The following VWCE variants were observed in gnomAD, a reference collection of about 807,000 sequenced individuals.
The protein encoded by VWCE is von Willebrand factor C and EGF domains, also known as von Willebrand factor C and EGF domain-containing protein.
In VWCE, 68 loss-of-function variants were observed where a neutral mutation model predicts 102.9. The observed-to-expected ratio is 0.66, with a 90% confidence interval of 0.54 to 0.81. The LOEUF (loss-of-function observed/expected upper bound fraction) is 0.81, where lower values mean the gene tolerates loss of function less well. Among genes scored for constraint, VWCE ranks in the 30% least tolerant of loss-of-function variants. The pLI, the probability that VWCE is intolerant of heterozygous loss-of-function variation, is 0.00. For synonymous variants in VWCE, 497 were observed against 515.4 expected (o/e 0.96, Z 0.48); for missense variants, 1,137 against 1,263.6 (o/e 0.90, Z 1.52).
intron 14 of VWCE, chr11:61,271,264 G>A (rs1280533433): frequency 1.6e-5 from 3 of 185,916 alleles, no homozygotes; most frequent in African/African-American, 7.0e-5. Context: ...TCCTGCCTCA[G>A]CCTCCCAAGT....
intron 5 of VWCE, among the ~76,000 whole-genome samples, 185 bp from the exon 6 acceptor site, chr11:61,283,090 T>C (rs1855195036): frequency 6.6e-6 from 1 of 152,154 alleles, no homozygotes. Flanking sequence ...CCCACGTCTC[T>C]CATCCTCACT....
At chr11:61,274,443 T>C (rs1854840437) in intron 12 of VWCE, 56 bp downstream of exon 12, 4 of 1,539,584 alleles carry the variant, frequency 2.6e-6, no homozygotes, top group Non-Finnish European at 3.6e-6. Flanking sequence ...TAAAGTGTTG[T>C]GCCTCGCTCC....
At chr11:61,279,380 G>A (rs961383134) in intron 9 of VWCE, among the ~76,000 whole-genome samples, 1 of 152,046 alleles carries the variant, frequency 6.6e-6, no homozygotes, top group African/African-American at 2.4e-5. Context: ...GACCAGCCTG[G>A]CCAACATGGC....
At position 61,271,721 on chromosome 11, in the gene VWCE, C is replaced by T. The variant is rs879016563; in HGVS notation, c.1739G>A (p.Gly580Glu). Reference sequence around the variant, plus strand: ...GGGGTCACCAGGCGACCAGATCTGTCCAATCGGAAACTCAACCCCGTTGTC... The same window carrying T: ...GGGGTCACCAGGCGACCAGATCTGTTCAATCGGAAACTCAACCCCGTTGTC... ...LDDNGVEFPI[G>E]QIWSPGDPCE... The change falls in exon 14 of 20, where the codon GGA becomes GAA. Residue 580 changes from glycine to glutamate, a missense_variant. Around this residue, in one of 5 missense-constraint regions of VWCE, gnomAD observed 212 missense variants for 235.1 expected, o/e 0.90. Transcript: ENST00000335613. The T allele has an allele frequency of 1.2e-6, 2 of 1,613,680 alleles. No homozygotes were observed. Among genetic ancestry groups the T allele is most frequent in the Non-Finnish European group, 8.5e-7 (1 of 1,179,832 alleles).
At chr11:61,277,429 C>T (rs1244235491) in intron 10 of VWCE, among the ~76,000 whole-genome samples, 4 of 140,580 alleles carry the variant, frequency 2.8e-5, no homozygotes, top group Middle Eastern at 3.6e-3. Flanking sequence ...GCCAACACAG[C>T]GAGACCCTGC....
At chr11:61,271,527 C>A (rs1820476270) in intron 14 of VWCE, 148 bp downstream of exon 14, 3 of 700,710 alleles carry the variant, frequency 4.3e-6, no homozygotes, top group Non-Finnish European at 7.4e-6. Context: ...TCGGTCCAAC[C>A]CTTTTTGTGA....
intron 18 of VWCE, among the ~76,000 whole-genome samples, 156 bp downstream of exon 18, chr11:61,264,800 G>A (rs1314237686): frequency 6.6e-6 from 1 of 152,248 alleles, no homozygotes; most frequent in African/African-American, 2.4e-5. Flanking sequence ...GGGAGGAGAT[G>A]GTCAAAACCA....
At position 61,294,508 on chromosome 11, in the gene VWCE, T is replaced by C. The variant is rs541976154; in HGVS notation, c.110+420A>G. Among the ~76,000 whole-genome samples, 29 of 152,234 alleles carry C rather than the reference T, an allele frequency of 1.9e-4. No homozygotes were observed. The highest frequency in any genetic ancestry group is 7.0e-4 in the African/African-American group (29 of 41,560). On this transcript the variant is annotated intron_variant, in intron 1 of 19. Transcript: ENST00000335613. The surrounding 1 kb of genome is among the most constrained non-coding windows in gnomAD (Gnocchi z 6.3). ...GCTGTTCCAAGGTCCATGAAGTTCG[T>C]AGGGCCAAGACCCAGGGAAAGCCCC...
At chr11:61,274,387 T>C (rs776931864) in intron 12 of VWCE, 112 bp downstream of exon 12, 20 of 1,008,274 alleles carry the variant, frequency 2.0e-5, no homozygotes, top group Non-Finnish European at 2.7e-5. Context: ...TCAGTTTCCC[T>C]GTTGCTGTAT....
chr11:61,272,605 T>C (rs61720611), intron 13 of VWCE, among the ~76,000 whole-genome samples: 25,652 of 151,156 alleles, frequency 0.17, 6,508 homozygotes, highest in African/African-American at 0.55. Context: ...CACAGGCACA[T>C]ACTAAGACAT....
chr11:61,276,263 C>A lies in VWCE; in HGVS notation c.1495+330G>T, dbSNP rs190296299. ...TCTCTACTAAAAATACAAAAATTAG[C>A]CCAGTGTGGCAGCAGGCGCCTGTAA... On this transcript the variant is annotated intron_variant, in intron 11 of 19. Transcript: ENST00000335613. Among the ~76,000 whole-genome samples, 7 of 151,932 alleles carry A rather than the reference C, an allele frequency of 4.6e-5. No homozygotes were observed. In the East Asian group the frequency reaches 1.4e-3, roughly 30 times the overall value.
chr11:61,267,172 C>A (rs963516778), intron 16 of VWCE, among the ~76,000 whole-genome samples: 11 of 152,124 alleles, frequency 7.2e-5, no homozygotes, highest in Non-Finnish European at 1.3e-4. Flanking sequence ...ACAGGAGAAT[C>A]GCTTGAACTC....
Position 61,258,881 on chromosome 11 carries a change from G to C in VWCE, c.2662C>G (p.Pro888Ala), listed in dbSNP as rs142622305. Residue 888 changes from proline to alanine, a missense_variant, in exon 20 of 20, where the codon CCT (proline) becomes GCT (alanine). Transcript: ENST00000335613. Reference sequence around the variant, plus strand: ...GTCAGGAGGGTGCCAGGCAGAGGAGGCCACCTGGACACTATCTGGGCCCCA... The same window carrying C: ...GTCAGGAGGGTGCCAGGCAGAGGAGCCCACCTGGACACTATCTGGGCCCCA... ...ASGAQIVSRWPPLPGTLLTEA... is the reference protein window; with the variant it reads ...ASGAQIVSRWAPLPGTLLTEA... 1.3e-6 allele frequency: 2 copies of C among 1,520,080 alleles called. No homozygotes were observed. Among genetic ancestry groups the C allele is most frequent in the Non-Finnish European group, 1.8e-6 (2 of 1,136,220 alleles). 94.2% of individuals were successfully genotyped at this position (1,520,080 alleles called of 1,614,324 possible).
At chr11:61,290,013 A>G (rs1855449109) in intron 4 of VWCE, among the ~76,000 whole-genome samples, 1 of 152,220 alleles carries the variant, frequency 6.6e-6, no homozygotes, top group Admixed American at 6.5e-5. Flanking sequence ...ACAAGCAAAT[A>G]ATACATTCAC....
rs183694250 is a variant in VWCE at position 61,277,279 on chromosome 11, C to T, written c.1408-599G>A. On this transcript the variant is annotated intron_variant, in intron 10 of 19. Transcript: ENST00000335613. The stretch of plus-strand genomic sequence containing the variant: ...TCTGCATGCCCCTGATTTCACACTG[C>T]AGCATCCACCTTTGATGCCAGAGCA... 2.3e-4 allele frequency among the ~76,000 whole-genome samples: 35 copies of T among 152,020 alleles called. No individual in the cohort carries two copies. The East Asian group carries it at 5.6e-3, about 24-fold the overall frequency.
rs1855619088 is a variant in VWCE, at chr11:61,294,717, C to A, written c.110+211G>T. On this transcript the variant is annotated intron_variant, in intron 1 of 19. Coordinates refer to ENST00000335613, the MANE Select transcript of VWCE (RefSeq NM_152718.2). This position sits in a 1 kb window ranked among gnomAD's most constrained non-coding sequence, Gnocchi z 6.3. ...TCTCCCAGGTCCCAGTCTGGACAGC[C>A]CCAGCCAGGGGGGCACGATGAGCAC... Among the ~76,000 whole-genome samples the A allele has an allele frequency of 6.6e-6, 1 of 152,172 alleles. No homozygotes were observed. Among genetic ancestry groups the A allele is most frequent in the South Asian group, 2.1e-4 (1 of 4,834 alleles).
chr11:61,291,326 C>T lies in VWCE; in HGVS notation c.233G>A (p.Gly78Asp), dbSNP rs376254690. 4.3e-6 allele frequency: 7 copies of T among 1,612,588 alleles called. No homozygotes were observed. The highest frequency in any genetic ancestry group is 5.9e-6 in the Non-Finnish European group (7 of 1,179,258). ...LPLCSFGCGS[G>D]ICIAPNVCSC... ...GCAGACATTGGGAGCGATGCAGATG[C>T]CACTCCCACAGCCGAAGGAGCAGAG... The change falls in exon 3 of 20, where the codon GGC becomes GAC. Residue 78 changes from glycine (G) to aspartate (D), a missense_variant. Transcript: ENST00000335613.
chr11:61,261,244 T>C (rs1051480270), intron 19 of VWCE, among the ~76,000 whole-genome samples: 8 of 150,406 alleles, frequency 5.3e-5, no homozygotes. Context: ...AGAAAGAGTA[T>C]CGAAGGTATG....
At chr11:61,261,760 G>A (rs1448463447) in intron 19 of VWCE, among the ~76,000 whole-genome samples, 6 of 147,312 alleles carry the variant, frequency 4.1e-5, no homozygotes, top group East Asian at 2.0e-4. Flanking sequence ...AGCTGTGATC[G>A]CACCACTGCA....
Sources: gnomAD v4.1 joint callset for allele counts (sites outside exome capture counted in the v4.1 genomes callset) on GRCh38, gnomAD v4.1.1 for gene constraint, gnomAD v4.1.1 regional missense constraint, Gnocchi (gnomAD v3.1) non-coding constraint, MANE v1.5 for transcripts, NCBI Gene and HGNC (gene_info 2026-07-23, HGNC 2026-07-21) for gene names.